The following DENND5B variants were observed in gnomAD, a reference collection of about 807,000 sequenced individuals.
DENND5B encodes the protein DENN domain containing 5B.
A neutral mutation model predicts 140.6 loss-of-function variants in DENND5B; 34 were observed. The observed-to-expected ratio is 0.24, with a 90% confidence interval of 0.18 to 0.32. The LOEUF (loss-of-function observed/expected upper bound fraction) is 0.32, where lower values mean the gene tolerates loss of function less well. Among genes scored for constraint, DENND5B ranks in the 10% least tolerant of loss-of-function variants. DENND5B has a pLI of 1.00. For missense variants in DENND5B, 1,142 were observed against 1,560.2 expected (o/e 0.73, Z 4.52); for synonymous variants, 551 against 562.1 (o/e 0.98, Z 0.28).
chr12:31,562,471 G>C (rs192328130), intron 1 of DENND5B, among the ~76,000 whole-genome samples: 1 of 152,060 alleles, frequency 6.6e-6, no homozygotes, highest in African/African-American at 2.4e-5. Flanking sequence ...TTAGCTGGGC[G>C]TGGTGGCGGG....
At chr12:31,405,041 T>C (rs1942044105) in intron 14 of DENND5B, among the ~76,000 whole-genome samples, 1 of 151,876 alleles carries the variant, frequency 6.6e-6, no homozygotes, top group Admixed American at 6.6e-5. Flanking sequence ...ATTACAGGCA[T>C]GAGCCACCGT....
At chr12:31,534,837 A>G in intron 1 of DENND5B, 1 of 459,656 alleles carries the variant, frequency 2.2e-6, no homozygotes, top group South Asian at 1.7e-5. Flanking sequence ...GGTTTGATGT[A>G]ATGGTTCATC....
At position 31,563,018 on chromosome 12, in the gene DENND5B, CTTGGTGAG is replaced by C. The variant is rs1181541902; in HGVS notation, c.127+27680_127+27687del. Among the ~76,000 whole-genome samples the C allele has an allele frequency of 2.6e-5, 4 of 151,684 alleles. No homozygotes were observed. In the East Asian group the frequency reaches 7.7e-4, roughly 29 times the overall value. ...CTTTCTGCACAATAACTGCACCTAG[CTTGGTGAG>C]ACAGATGGAGAGCCTGCAAAGTCTA... On this transcript the variant is annotated intron_variant, in intron 1 of 20. Transcript: ENST00000389082.
chr12:31,448,041 G>C (rs892573318), intron 5 of DENND5B, among the ~76,000 whole-genome samples: 2 of 150,460 alleles, frequency 1.3e-5, no homozygotes, highest in Non-Finnish European at 3.0e-5. Flanking sequence ...CATCAGTAAC[G>C]AAAGATGGCA....
chr12:31,555,074 T>C (rs1047611930), intron 1 of DENND5B, among the ~76,000 whole-genome samples: 8 of 152,246 alleles, frequency 5.3e-5, no homozygotes, highest in African/African-American at 1.2e-4. Context: ...TCATTCTTTG[T>C]CCAGCTTTGT....
chr12:31,584,486 A>G (rs78934102), intron 1 of DENND5B, among the ~76,000 whole-genome samples: 3,115 of 152,308 alleles, frequency 0.02, 56 homozygotes, highest in South Asian at 0.052. Flanking sequence ...TCGTGTTGCT[A>G]TAAAGAAAAT....
intron 1 of DENND5B, among the ~76,000 whole-genome samples, chr12:31,576,987 A>T (rs148221271): frequency 6.6e-6 from 1 of 152,170 alleles, no homozygotes; most frequent in African/African-American, 2.4e-5. Context: ...CTTCTTCTAC[A>T]GGTTTTTCTC....
chr12:31,550,588 G>A (rs1214745578), intron 1 of DENND5B, among the ~76,000 whole-genome samples: 1 of 151,990 alleles, frequency 6.6e-6, no homozygotes, highest in Admixed American at 6.6e-5. Context: ...CCAGTAATGG[G>A]ATGTCTGGGT....
At chr12:31,399,177 G>C (rs975552530) in intron 16 of DENND5B, among the ~76,000 whole-genome samples, 3 of 149,548 alleles carry the variant, frequency 2.0e-5, no homozygotes, top group Admixed American at 1.3e-4. Flanking sequence ...GTTTTTTGGG[G>C]GGCAATTTTG....
intron 14 of DENND5B, among the ~76,000 whole-genome samples, chr12:31,406,764 A>G (rs1366932171): frequency 6.6e-6 from 1 of 152,204 alleles, no homozygotes; most frequent in Non-Finnish European, 1.5e-5. Flanking sequence ...AGAGAAATCT[A>G]CAGATATAAG....
chr12:31,585,665 G>A (rs1950371770), intron 1 of DENND5B, among the ~76,000 whole-genome samples: 2 of 152,172 alleles, frequency 1.3e-5, no homozygotes, highest in Non-Finnish European at 2.9e-5. Context: ...CCATAAATAT[G>A]TCTAAGGTCC....
At position 31,551,283 on chromosome 12, in the gene DENND5B, C is replaced by T. The variant is rs1340481881; in HGVS notation, c.127+39423G>A. Among the ~76,000 whole-genome samples, 6 of 152,178 alleles carry T rather than the reference C, an allele frequency of 3.9e-5. No individual in the cohort carries two copies. The East Asian group carries it at 9.6e-4, about 24-fold the overall frequency. Reference sequence around the variant, plus strand: ...TCCAGTTTCAGCTTTCCACATATGGCTAGCCAGTTTTCCCAGCACCATTTA... The same window carrying T: ...TCCAGTTTCAGCTTTCCACATATGGTTAGCCAGTTTTCCCAGCACCATTTA... On this transcript the variant is annotated intron_variant, in intron 1 of 20. Transcript: ENST00000389082.
rs559326298 is a variant in DENND5B, at chr12:31,585,666, T to C, written c.127+5040A>G. Among the ~76,000 whole-genome samples, 92 of 152,330 alleles carry C rather than the reference T, an allele frequency of 6.0e-4. No individual in the cohort carries two copies. In the South Asian group the frequency reaches 9.7e-3, roughly 16 times the overall value. On this transcript the variant is annotated intron_variant, in intron 1 of 20. Transcript: ENST00000389082. ...CCTCAGTCTCTTTACCATAAATATG[T>C]CTAAGGTCCCTTCAAGAACTAACGT...
At chr12:31,511,715 T>G (rs1401358450) in intron 1 of DENND5B, among the ~76,000 whole-genome samples, 3 of 151,988 alleles carry the variant, frequency 2.0e-5, no homozygotes, top group Non-Finnish European at 2.9e-5. Flanking sequence ...CAACACCTAC[T>G]TAATATTGTG....
intron 1 of DENND5B, among the ~76,000 whole-genome samples, chr12:31,542,341 A>C (rs1592013000): frequency 6.6e-6 from 1 of 152,038 alleles, no homozygotes; most frequent in East Asian, 1.9e-4. Context: ...AGAAAGTAGA[A>C]GGATAGTTAC....
intron 1 of DENND5B, among the ~76,000 whole-genome samples, chr12:31,532,703 G>C: frequency 6.6e-6 from 1 of 152,094 alleles, no homozygotes; most frequent in African/African-American, 2.4e-5. Flanking sequence ...GGGGGAATTG[G>C]GAAAAATAAA....
intron 1 of DENND5B, among the ~76,000 whole-genome samples, chr12:31,523,587 C>G (rs1947981675): frequency 6.6e-6 from 1 of 151,720 alleles, no homozygotes; most frequent in African/African-American, 2.4e-5. Context: ...TTGACATTAT[C>G]CTAAAAATAT....
At chr12:31,545,202 TTTTCA>T (rs148327074) in intron 1 of DENND5B, among the ~76,000 whole-genome samples, 1,746 of 152,308 alleles carry the variant, frequency 0.011, 22 homozygotes, top group African/African-American at 0.04. Flanking sequence ...GCAGCATGTT[TTTTCA>T]TTTCCTTTCC....
intron 1 of DENND5B, among the ~76,000 whole-genome samples, chr12:31,545,950 CAAAA>C (rs57460264): frequency 1.6e-4 from 6 of 36,394 alleles, no homozygotes; most frequent in East Asian, 8.2e-4. Context: ...GACACTGTCT[CAAAA>C]AAAAAAAAAA....
Sources: allele counts gnomAD v4.1 joint callset (sites outside exome capture counted in the v4.1 genomes callset), GRCh38; gene constraint gnomAD v4.1.1; transcripts MANE v1.5; gene names NCBI Gene and HGNC (gene_info 2026-07-23, HGNC 2026-07-21).